OLA1: variants seen among roughly 807,000 people sequenced by gnomAD.
OLA1 encodes Obg like ATPase 1, also known as obg-like ATPase 1.
In OLA1, 14 loss-of-function variants were observed where a neutral mutation model predicts 48.4. The observed-to-expected ratio is 0.29, with a 90% confidence interval of 0.19 to 0.45. The LOEUF (loss-of-function observed/expected upper bound fraction) is 0.45. Among genes scored for constraint, OLA1 ranks in the 20% least tolerant of loss-of-function variants. The pLI, the probability that OLA1 is intolerant of heterozygous loss-of-function variation, is 1.00. For synonymous variants in OLA1, 127 were observed against 150.4 expected, an observed-to-expected ratio of 0.84 and a Z score of 1.14; for missense variants, 325 against 467.1, an observed-to-expected ratio of 0.70 and a Z score of 2.80.
chr2:174,203,740 AAGTTATT>A (rs1306433314), intron 4 of OLA1, among the ~76,000 whole-genome samples: 1 of 151,954 alleles, frequency 6.6e-6, no homozygotes, highest in Admixed American at 6.6e-5. Flanking sequence ...CATACACTTT[AAGTTATT>A]CCCTATGTAT....
chr2:174,100,637 G>C (rs1377547424), intron 7 of OLA1, among the ~76,000 whole-genome samples: 1 of 152,002 alleles, frequency 6.6e-6, no homozygotes, highest in Non-Finnish European at 1.5e-5. Flanking sequence ...TGAACTCCTG[G>C]CTTCAAATGA....
At position 174,247,700 on chromosome 2, in the gene OLA1, C is replaced by G. The variant is rs1312554275; in HGVS notation, c.-1+752G>C. 5 of 1,551,172 alleles carry G rather than the reference C, an allele frequency of 3.2e-6. No individual in the cohort carries two copies. In the East Asian group the frequency reaches 9.8e-5, roughly 30 times the overall value. ...ACTGGGGTCCTTCCACCAAGTCCCT[C>G]CCACCTTTGGCACTGAAGGTACGGC... On this transcript the variant is annotated intron_variant, in intron 1 of 10. Transcript: ENST00000284719.
intron 5 of OLA1, among the ~76,000 whole-genome samples, chr2:174,136,412 T>C (rs72625249): frequency 1.3e-5 from 2 of 152,144 alleles, no homozygotes; most frequent in Non-Finnish European, 2.9e-5. Flanking sequence ...GTAGATTCCA[T>C]CTCAAGAAAC....
rs189931144 is a variant in OLA1, at chr2:174,192,830, T to C, written c.373+30203A>G. On this transcript the variant is annotated intron_variant, in intron 4 of 10. Coordinates refer to ENST00000284719, the MANE Select transcript of OLA1 (RefSeq NM_013341.5). Reference sequence around the variant, plus strand: ...TCATTCCACTGTCTCCTAGCTTCCATAGTTTCGAAAAGTCAGCCATCACAC... The same window carrying C: ...TCATTCCACTGTCTCCTAGCTTCCACAGTTTCGAAAAGTCAGCCATCACAC... 1.6e-4 allele frequency among the ~76,000 whole-genome samples: 25 copies of C among 152,318 alleles called. No homozygotes were observed. The East Asian group carries it at 4.2e-3, about 26-fold the overall frequency.
chr2:174,183,778 T>G (rs1176967753), intron 4 of OLA1, among the ~76,000 whole-genome samples: 1 of 152,176 alleles, frequency 6.6e-6, no homozygotes, highest in Non-Finnish European at 1.5e-5. Flanking sequence ...AGATGATTCA[T>G]GTAGAAGGCC....
chr2:174,137,406 T>G (rs1262994399), intron 5 of OLA1, among the ~76,000 whole-genome samples: 1 of 152,216 alleles, frequency 6.6e-6, no homozygotes. Context: ...GCTCTAGGAT[T>G]TTCAGAATGG....
chr2:174,216,079 T>C (rs963151740), intron 4 of OLA1, among the ~76,000 whole-genome samples: 1 of 152,082 alleles, frequency 6.6e-6, no homozygotes, highest in Admixed American at 6.6e-5. Context: ...GAGGACTGCT[T>C]GAGCCCAGGA....
chr2:174,091,210 C>A (rs1211446210), intron 7 of OLA1, among the ~76,000 whole-genome samples: 3 of 152,292 alleles, frequency 2.0e-5, no homozygotes, highest in African/African-American at 7.2e-5. Context: ...TACTCATCTG[C>A]AAACTGGTCT....
intron 2 of OLA1, among the ~76,000 whole-genome samples, chr2:174,245,491 C>T (rs182348581): frequency 2.6e-5 from 4 of 152,326 alleles, no homozygotes; most frequent in Admixed American, 2.6e-4. Flanking sequence ...TAAAAGGCCA[C>T]CCTTGATCAC....
intron 4 of OLA1, among the ~76,000 whole-genome samples, chr2:174,147,675 T>C (rs1686642102): frequency 6.6e-6 from 1 of 152,208 alleles, no homozygotes. Context: ...TCTCTCTTAA[T>C]GACACCGACC....
intron 7 of OLA1, among the ~76,000 whole-genome samples, chr2:174,119,950 C>T (rs1396403009): frequency 2.6e-5 from 3 of 115,976 alleles, no homozygotes; most frequent in Admixed American, 8.7e-5. Context: ...AACACACACA[C>T]ACACAAACAC....
At chr2:174,169,769 G>C (rs964697592) in intron 4 of OLA1, among the ~76,000 whole-genome samples, 11 of 152,050 alleles carry the variant, frequency 7.2e-5, no homozygotes, top group African/African-American at 2.4e-4. Flanking sequence ...AGTGCAAAAG[G>C]CTTTTTGTTT....
intron 4 of OLA1, among the ~76,000 whole-genome samples, chr2:174,190,944 C>CAAAAAAA (rs774971306): frequency 9.1e-5 from 3 of 32,882 alleles, no homozygotes; most frequent in African/African-American, 1.3e-4. Flanking sequence ...GACTTCGTCT[C>CAAAAAAA]AAAAAAAAAA....
At chr2:174,095,333 T>TTG (rs1314638131) in intron 7 of OLA1, among the ~76,000 whole-genome samples, 2 of 114,980 alleles carry the variant, frequency 1.7e-5, no homozygotes, top group Admixed American at 8.8e-5. Flanking sequence ...CTGTTTTTTT[T>TTG]TTTTTTTTTT....
intron 4 of OLA1, among the ~76,000 whole-genome samples, chr2:174,165,213 C>T (rs899349149): frequency 6.6e-6 from 1 of 152,116 alleles, no homozygotes; most frequent in South Asian, 2.1e-4. Context: ...CGCTTCCTAC[C>T]TAAATAAAAC....
intron 9 of OLA1, among the ~76,000 whole-genome samples, chr2:174,079,871 T>G (rs1439044928): frequency 6.6e-6 from 1 of 151,972 alleles, no homozygotes; most frequent in African/African-American, 2.4e-5. Flanking sequence ...AGCTACTCAC[T>G]GATGCTTACC....
At chr2:174,101,476 G>A (rs1475982413) in intron 7 of OLA1, among the ~76,000 whole-genome samples, 2 of 152,124 alleles carry the variant, frequency 1.3e-5, no homozygotes, top group Non-Finnish European at 2.9e-5. Flanking sequence ...CTACTTAATG[G>A]TGTTTTTTGA....
At chr2:174,106,762 G>T (rs1031671079) in intron 7 of OLA1, among the ~76,000 whole-genome samples, 3 of 152,122 alleles carry the variant, frequency 2.0e-5, no homozygotes, top group African/African-American at 7.2e-5. Flanking sequence ...ATTTTAGTGT[G>T]ATGCTATGCA....
chr2:174,199,396 A>G (rs1687944074), intron 4 of OLA1, among the ~76,000 whole-genome samples: 1 of 152,180 alleles, frequency 6.6e-6, no homozygotes, highest in African/African-American at 2.4e-5. Context: ...CTGCTCAAAC[A>G]CAGCCAATGC....
Sources: allele counts gnomAD v4.1 joint callset (sites outside exome capture counted in the v4.1 genomes callset), GRCh38; gene constraint gnomAD v4.1.1; transcripts MANE v1.5; gene names NCBI Gene and HGNC (gene_info 2026-07-23, HGNC 2026-07-21).